The following DCTN3 variants were observed in gnomAD, a reference collection of about 807,000 sequenced individuals.
DCTN3 encodes the protein dynactin subunit 3, also known as dynactin 3 (p22).
A neutral mutation model predicts 28.4 loss-of-function variants in DCTN3; 25 were observed. The ratio of observed to expected loss-of-function variants is 0.88; its 90% CI spans 0.64 to 1.23. The LOEUF is 1.23. Ranked by LOEUF, DCTN3 falls within the 50% of genes most tolerant of loss-of-function variation. DCTN3 has a pLI of 0.00. For synonymous variants in DCTN3, 81 were observed against 91.4 expected, an observed-to-expected ratio of 0.89 and a Z score of 0.65; for missense variants, 229 against 232.0, an observed-to-expected ratio of 0.99 and a Z score of 0.08.
intron 3 of DCTN3, among the ~76,000 whole-genome samples, chr9:34,617,232 T>TTA (rs1820442886): frequency 6.6e-6 from 1 of 152,134 alleles, no homozygotes. Context: ...CCCATCTGGG[T>TTA]TATAAGCTCA....
Position 34,616,505 on chromosome 9 carries a change from C to A in DCTN3, c.269-392G>T, listed in dbSNP as rs1307798063. The A allele has an allele frequency of 5.7e-6, 1 of 176,788 alleles. No homozygotes were observed. The highest frequency in any genetic ancestry group is 1.7e-4 in the East Asian group (1 of 5,978). The allele number at this position is 176,788 out of a possible 1,614,324, so 11.0% of individuals were successfully genotyped here. ...AGGTCTAAAAGAGATATGTGGCAGA[C>A]TACGCCAGGCAGGTTCTGCTCAGTG... On this transcript the variant is annotated intron_variant, in intron 3 of 6. Coordinates refer to ENST00000259632, the MANE Select transcript of DCTN3 (RefSeq NM_007234.5). This position sits in a 1 kb window ranked among gnomAD's most constrained non-coding sequence, Gnocchi z 4.7.
Position 34,619,419 on chromosome 9 carries a change from C to T in DCTN3, c.97-659G>A, listed in dbSNP as rs572259404. The stretch of plus-strand genomic sequence containing the variant: ...TAAATAGTAATTGACACCATGGAAG[C>T]GAGTGAGCCTACCTAAAGTTTAGGG... On this transcript the variant is annotated intron_variant, in intron 1 of 6. Coordinates refer to ENST00000259632, the MANE Select transcript of DCTN3 (RefSeq NM_007234.5). 5.3e-5 allele frequency among the ~76,000 whole-genome samples: 8 copies of T among 152,246 alleles called. No individual in the cohort carries two copies. The East Asian group carries it at 1.2e-3, about 22-fold the overall frequency.
At position 34,613,742 on chromosome 9, in the gene DCTN3, G is replaced by C; in HGVS notation, c.*40C>G. 1.2e-6 allele frequency: 2 copies of C among 1,611,816 alleles called. No individual in the cohort carries two copies. The highest frequency in any genetic ancestry group is 1.7e-6 in the Non-Finnish European group (2 of 1,178,888). On this transcript the variant is annotated 3_prime_UTR_variant, in exon 7 of 7. Transcript: ENST00000259632. ...AGGCAGGTTGGCATAGGGCCCTGGA[G>C]CCTGACTGCCCAGGCCCACTTTGGG... is the stretch of plus-strand genomic sequence containing the variant.
At position 34,618,739 on chromosome 9, in the gene DCTN3, C is replaced by A; in HGVS notation, c.118G>T (p.Val40Leu). The change falls in exon 2 of 7, where the codon GTG (valine) becomes TTG (leucine). Residue 40 changes from valine to leucine, a missense_variant. Physicochemically the swap from Val to Leu is conservative, Grantham distance 32 (BLOSUM62 1). Transcript: ENST00000259632. ...SRKVADGLVK[V>L]QVALGNISSK... ...GAAATGTTCCCCAAAGCCACCTGCA[C>A]CTTGACCAGGCCGTCAGCCACCTGT... 6.2e-7 allele frequency: 1 copy of A among 1,614,152 alleles called. No homozygotes were observed. Among genetic ancestry groups the A allele is most frequent in the South Asian group, 1.1e-5 (1 of 91,086 alleles).
Position 34,613,610 on chromosome 9 carries a change from T to C in DCTN3, c.*172A>G, listed in dbSNP as rs1820351965. On this transcript the variant is annotated 3_prime_UTR_variant, in exon 7 of 7. Transcript: ENST00000259632. ...CACTGATTGGGGGGAGGGTGGGTGT[T>C]GCAAATTGCAAACCTCAGGTAACCT... The C allele has an allele frequency of 2.9e-6, 2 of 687,400 alleles. No homozygotes were observed. The highest frequency in any genetic ancestry group is 1.9e-5 in the South Asian group (1 of 53,656). 42.6% of individuals were successfully genotyped at this position (687,400 alleles called of 1,614,324 possible).
At chr9:34,614,353 T>C (rs1820373663) in intron 5 of DCTN3, 1 of 750,870 alleles carries the variant, frequency 1.3e-6, no homozygotes, top group Admixed American at 3.0e-5. Flanking sequence ...TGTATGTCTC[T>C]TCTTCTGTCC....
At chr9:34,615,899 C>CAAA (rs35159161) in intron 4 of DCTN3, 131 bp downstream of exon 4, 1,973 of 448,946 alleles carry the variant, frequency 4.4e-3, no homozygotes, top group East Asian at 8.3e-3. Context: ...CGACTCTGTC[C>CAAA]AAAAAAAAAA....
chr9:34,618,109 G>T, intron 2 of DCTN3, 138 bp from the exon 3 acceptor site: 4 of 714,200 alleles, frequency 5.6e-6, no homozygotes, highest in Non-Finnish European at 9.1e-6. Flanking sequence ...CATGAGCAGG[G>T]CTCCACCAGG....
chr9:34,618,046 G>A lies in DCTN3; in HGVS notation c.182-75C>T, dbSNP rs114005165. On this transcript the variant is annotated intron_variant, in intron 2 of 6. Transcript: ENST00000259632. ...CTGCCTTATGAAGGATGTTTGACAA[G>A]TGGTCAGCCTTGAGGAGAGCCTTCA... The A allele has an allele frequency of 9.8e-4, 1,450 of 1,479,504 alleles. 16 individuals carry two copies. The African/African-American group carries it at 0.018, about 18-fold the overall frequency. The allele number at this position is 1,479,504 out of a possible 1,614,324, so 91.6% of individuals were successfully genotyped here. A position where few individuals can be genotyped will look rare whatever the true frequency, so the allele number is the denominator to read the frequency against.
chr9:34,614,817 G>C, intron 4 of DCTN3, 49 bp from the exon 5 acceptor site: 1 of 1,607,766 alleles, frequency 6.2e-7, no homozygotes, highest in Middle Eastern at 1.7e-4. Context: ...CCCTCCCCCG[G>C]GACTGCTCAA....
rs145476640 is a variant in DCTN3 at position 34,616,068 on chromosome 9, T to C, written c.314A>G (p.Asn105Ser). The change falls in exon 4 of 7, where the codon AAT becomes AGT. Residue 105 changes from asparagine (N) to serine (S), a missense_variant. Transcript: ENST00000259632. The surrounding 1 kb of genome is among the most constrained non-coding windows in gnomAD (Gnocchi z 4.7). ...ACTGTCCAGCATGGGCACCAAGGCA[T>C]TCACCTGCTCCAGGAGTGCAACCTG... Reference protein sequence around the residue: ...LSQVALLEQVNALVPMLDSAH... With the variant: ...LSQVALLEQVSALVPMLDSAH... 1.3e-4 allele frequency: 207 copies of C among 1,613,986 alleles called. No individual in the cohort carries two copies. Among genetic ancestry groups the C allele is most frequent in the Non-Finnish European group, 1.6e-4 (191 of 1,179,998 alleles).
chr9:34,618,920 G>A (rs533146549), intron 1 of DCTN3, among the ~76,000 whole-genome samples, 160 bp from the exon 2 acceptor site: 1 of 152,302 alleles, frequency 6.6e-6, no homozygotes, highest in South Asian at 2.1e-4. Flanking sequence ...CCACCTTCCA[G>A]GAATCCTTAA....
At chr9:34,617,860 A>T (rs771929551) in intron 3 of DCTN3, 25 bp downstream of exon 3, 1 of 1,613,386 alleles carries the variant, frequency 6.2e-7, no homozygotes. Context: ...CCTCAGATGC[A>T]TGTACACATG....
At chr9:34,615,694 A>T (rs1820408287) in intron 4 of DCTN3, 1 of 185,660 alleles carries the variant, frequency 5.4e-6, no homozygotes, top group Admixed American at 5.9e-5. Flanking sequence ...GGTGGATCAC[A>T]TGGGGCCAGG....
At chr9:34,618,834 T>C in intron 1 of DCTN3, 74 bp from the exon 2 acceptor site, 2 of 1,192,308 alleles carry the variant, frequency 1.7e-6, no homozygotes. Context: ...AGAACCCTCA[T>C]TCTCCCAGAC....
At chr9:34,620,283 G>T in intron 1 of DCTN3, 86 bp downstream of exon 1, 2 of 1,169,146 alleles carry the variant, frequency 1.7e-6, no homozygotes, top group South Asian at 1.3e-5. Flanking sequence ...CGGAGAACAG[G>T]ACTGGAGCGG....
At position 34,620,485 on chromosome 9, in the gene DCTN3, G is replaced by C. The variant is rs114192026; in HGVS notation, c.-21C>G. The C allele has an allele frequency of 1.9e-6, 3 of 1,546,308 alleles. No individual in the cohort carries two copies. Among genetic ancestry groups the C allele is most frequent in the Non-Finnish European group, 2.6e-6 (3 of 1,146,010 alleles). The stretch of plus-strand genomic sequence containing the variant: ...GCCATCGCTACTACCGACCCACCTC[G>C]GCCAGGAAACAGCCAGAGGGCGGGA... On this transcript the variant is annotated 5_prime_UTR_variant, in exon 1 of 7. Transcript: ENST00000259632.
chr9:34,618,764 T>C lies in DCTN3; in HGVS notation c.97-4A>G. The C allele has an allele frequency of 4.3e-6, 7 of 1,613,268 alleles. No individual in the cohort carries two copies. Among genetic ancestry groups the C allele is most frequent in the Non-Finnish European group, 5.9e-6 (7 of 1,179,188 alleles). On this transcript the variant is annotated splice_polypyrimidine_tract_variant and splice_region_variant and intron_variant, in intron 1 of 6. Coordinates refer to ENST00000259632, the MANE Select transcript of DCTN3 (RefSeq NM_007234.5). ...CCTTGACCAGGCCGTCAGCCACCTG[T>C]AAGGGAAGTGGTGGTTAATTCCAAG...
chr9:34,618,172 T>G (rs909285877), intron 2 of DCTN3, among the ~76,000 whole-genome samples: 1 of 152,166 alleles, frequency 6.6e-6, no homozygotes, highest in Non-Finnish European at 1.5e-5. Flanking sequence ...AAGTCTCTTC[T>G]GACATCAAGC....
Sources: allele counts gnomAD v4.1 joint callset (sites outside exome capture counted in the v4.1 genomes callset), GRCh38; gene constraint gnomAD v4.1.1; non-coding constraint Gnocchi (gnomAD v3.1); transcripts MANE v1.5; gene names NCBI Gene and HGNC (gene_info 2026-07-23, HGNC 2026-07-21).